Variants in ENTREP2 observed in about 807,000 individuals in gnomAD.
ENTREP2 encodes the protein endosomal transmembrane epsin interactor 2.
the ENTREP2 span, among the ~76,000 whole-genome samples, chr15:29,123,969 C>T: frequency 2.0e-5 from 3 of 152,224 alleles, no homozygotes; most frequent in African/African-American, 7.2e-5. Context: ...CCAGTCTTCT[C>T]GCCTCCACGA....
chr15:29,336,743 G>A, the ENTREP2 span, among the ~76,000 whole-genome samples: 1 of 152,164 alleles, frequency 6.6e-6, no homozygotes, highest in Non-Finnish European at 1.5e-5. Context: ...TCCATGTCAT[G>A]CTCATTTCAG....
the ENTREP2 span, among the ~76,000 whole-genome samples, chr15:29,195,706 G>A: frequency 6.6e-6 from 1 of 151,950 alleles, no homozygotes; most frequent in African/African-American, 2.4e-5. Flanking sequence ...TGTATTTTTA[G>A]TAGAGAGGGG....
chr15:29,235,772 T>TG, the ENTREP2 span, among the ~76,000 whole-genome samples: 34 of 152,112 alleles, frequency 2.2e-4, no homozygotes, highest in African/African-American at 8.0e-4. Context: ...AAGACCAGCA[T>TG]GGCCAAGATG....
chr15:29,146,632 A>G, the ENTREP2 span, among the ~76,000 whole-genome samples: 2 of 152,186 alleles, frequency 1.3e-5, no homozygotes, highest in African/African-American at 4.8e-5. Context: ...AATGAACTCA[A>G]AATGGTCTAA....
chr15:29,305,966 T>G, the ENTREP2 span, among the ~76,000 whole-genome samples: 1 of 152,078 alleles, frequency 6.6e-6, no homozygotes, highest in South Asian at 2.1e-4. Context: ...GCCAGTGAGG[T>G]AGGGAAGGGC....
At chr15:29,464,960 A>C in the ENTREP2 span, among the ~76,000 whole-genome samples, 1 of 152,132 alleles carries the variant, frequency 6.6e-6, no homozygotes, top group Non-Finnish European at 1.5e-5. Context: ...AGTCTTACAA[A>C]TGTTCCGCAA....
At chr15:29,583,795 C>G in the ENTREP2 span, among the ~76,000 whole-genome samples, 1 of 151,944 alleles carries the variant, frequency 6.6e-6, no homozygotes, top group Non-Finnish European at 1.5e-5. Context: ...AGACATTGAC[C>G]TAAGTATAGA....
chr15:29,433,799 A>C, the ENTREP2 span, among the ~76,000 whole-genome samples: 2 of 137,764 alleles, frequency 1.5e-5, no homozygotes, highest in South Asian at 2.4e-4. Flanking sequence ...AAAAAAAAAA[A>C]CAGCTACCTT....
the ENTREP2 span, among the ~76,000 whole-genome samples, chr15:29,222,257 G>A: frequency 6.6e-6 from 1 of 152,148 alleles, no homozygotes. Context: ...TCAGCGCCAT[G>A]AGTTTACAAA....
At chr15:29,365,341 C>G in the ENTREP2 span, among the ~76,000 whole-genome samples, 1 of 151,574 alleles carries the variant, frequency 6.6e-6, no homozygotes, top group African/African-American at 2.4e-5. Flanking sequence ...CAACCTCCAC[C>G]TCCTGATTTC....
the ENTREP2 span, among the ~76,000 whole-genome samples, chr15:29,528,081 A>C: frequency 1.6e-4 from 24 of 152,204 alleles, no homozygotes; most frequent in East Asian, 4.5e-3. Flanking sequence ...TGAAGGTGAC[A>C]AACTCCATGA....
the ENTREP2 span, among the ~76,000 whole-genome samples, chr15:29,408,747 T>G: frequency 6.6e-6 from 1 of 152,222 alleles, no homozygotes; most frequent in African/African-American, 2.4e-5. Flanking sequence ...CTTTGATGAT[T>G]TTTAAACTTT....
At chr15:29,464,317 C>A in the ENTREP2 span, among the ~76,000 whole-genome samples, 1 of 152,122 alleles carries the variant, frequency 6.6e-6, no homozygotes, top group Non-Finnish European at 1.5e-5. Flanking sequence ...GGTGTCCCTG[C>A]AACTGGGGGC....
chr15:29,367,788 C>T, the ENTREP2 span, among the ~76,000 whole-genome samples: 1 of 152,066 alleles, frequency 6.6e-6, no homozygotes, highest in African/African-American at 2.4e-5. Flanking sequence ...CTAGGTAACT[C>T]CTAAACTAAC....
the ENTREP2 span, among the ~76,000 whole-genome samples, chr15:29,396,754 G>T: frequency 7.2e-5 from 11 of 152,172 alleles, no homozygotes; most frequent in South Asian, 2.1e-3. Context: ...CTTATGTTTA[G>T]GTCTTTAATC....
chr15:29,261,480 A>C, the ENTREP2 span, among the ~76,000 whole-genome samples: 5 of 152,234 alleles, frequency 3.3e-5, no homozygotes, highest in African/African-American at 1.2e-4. Flanking sequence ...CTTCTACTGC[A>C]CTCTAGCCTG....
the ENTREP2 span, among the ~76,000 whole-genome samples, chr15:29,127,180 C>A: frequency 2.6e-5 from 4 of 152,292 alleles, no homozygotes; most frequent in Admixed American, 1.3e-4. Context: ...CAGGGCTGGG[C>A]TCTTGCCGGG....
the ENTREP2 span, among the ~76,000 whole-genome samples, chr15:29,196,251 A>C: frequency 6.6e-6 from 1 of 152,200 alleles, no homozygotes; most frequent in Non-Finnish European, 1.5e-5. Flanking sequence ...AGAAAGCAAC[A>C]CTTTCAAAAT....
chr15:29,287,206 G>A, the ENTREP2 span, among the ~76,000 whole-genome samples: 4 of 151,918 alleles, frequency 2.6e-5, no homozygotes, highest in African/African-American at 4.8e-5. Context: ...GGCACTATCC[G>A]CGGCCATTTC....
Sources: allele counts gnomAD v4.1 joint callset (sites outside exome capture counted in the v4.1 genomes callset), GRCh38; gene constraint gnomAD v4.1.1; transcripts MANE v1.5; gene names NCBI Gene and HGNC (gene_info 2026-07-23, HGNC 2026-07-21).